The following FHL5 variants were observed in gnomAD, a reference collection of about 807,000 sequenced individuals.
The protein encoded by FHL5 is four and a half LIM domains protein 5.
FHL5 carries 33 observed loss-of-function variants against 32.0 expected under a neutral mutation model. That is an observed-to-expected ratio of 1.03 (90% CI 0.78 to 1.38). FHL5 has a LOEUF of 1.38. Among genes scored for constraint, FHL5 ranks in the 40% most tolerant of loss-of-function variants. FHL5 has a pLI of 0.00. For missense variants in FHL5, 336 were observed against 343.9 expected, an observed-to-expected ratio of 0.98 and a Z score of 0.18; for synonymous variants, 114 against 113.6, an observed-to-expected ratio of 1.00 and a Z score of -0.02.
rs1418293288 is a variant in FHL5 at position 96,617,930 on chromosome 6, C to T, written c.*2158C>T. 1.3e-5 allele frequency among the ~76,000 whole-genome samples: 2 copies of T among 152,106 alleles called. No individual in the cohort carries two copies. The highest frequency in any genetic ancestry group is 6.5e-5 in the Admixed American group (1 of 15,276). On this transcript the variant is annotated 3_prime_UTR_variant, in exon 6 of 6. Transcript: ENST00000450218. ...AGTTCTGCATTTAGAAGGTATCCTACACATCAAACATCCATTAAACATGTA... is the reference window on the plus strand; with the variant it reads ...AGTTCTGCATTTAGAAGGTATCCTATACATCAAACATCCATTAAACATGTA...
intron 1 of FHL5, among the ~76,000 whole-genome samples, chr6:96,596,613 CT>C (rs34556231): frequency 0.41 from 61,967 of 151,204 alleles, 13,361 homozygotes; most frequent in African/African-American, 0.56. Flanking sequence ...TGTATTTTAT[CT>C]TTTTTTTTCA....
chr6:96,611,908 G>A (rs1771417583), intron 5 of FHL5, among the ~76,000 whole-genome samples: 2 of 152,176 alleles, frequency 1.3e-5, no homozygotes, highest in South Asian at 2.1e-4. Context: ...GGCTGTTGAT[G>A]TTTGGCCTGA....
intron 1 of FHL5, among the ~76,000 whole-genome samples, chr6:96,584,435 A>ATGTGTGTG (rs141920939): frequency 3.3e-3 from 486 of 146,874 alleles, no homozygotes; most frequent in African/African-American, 0.012. Context: ...CAGGTGGGAT[A>ATGTGTGTG]TGTGTGTGTG....
At chr6:96,573,263 T>C (rs952337615) in intron 1 of FHL5, among the ~76,000 whole-genome samples, 3 of 152,206 alleles carry the variant, frequency 2.0e-5, no homozygotes, top group African/African-American at 7.2e-5. Flanking sequence ...CAAGGAACTG[T>C]CTATCATCAA....
rs1771270582 is a variant in FHL5 at position 96,606,052 on chromosome 6, A to G, written c.485A>G (p.Tyr162Cys). 1 of 1,613,656 alleles carries G rather than the reference A, an allele frequency of 6.2e-7. No individual in the cohort carries two copies. The highest frequency in any genetic ancestry group is 8.5e-7 in the Non-Finnish European group (1 of 1,179,838). ...TGTTTTGAGAAGGAGTTTGCTCACT[A>G]CTGCAACTTTTGTAAGAAGGTAATT... The part of the protein sequence containing the change: ...VPCFEKEFAH[Y>C]CNFCKKVITS... The change falls in exon 4 of 6, where the codon TAC becomes TGC. Residue 162 changes from tyrosine to cysteine, a missense_variant. Transcript: ENST00000450218.
intron 1 of FHL5, among the ~76,000 whole-genome samples, chr6:96,569,944 T>G (rs560567281): frequency 1.3e-5 from 2 of 152,084 alleles, no homozygotes; most frequent in South Asian, 4.2e-4. Flanking sequence ...TTTGTTGTTT[T>G]CCTGTTGTCT....
intron 5 of FHL5, among the ~76,000 whole-genome samples, chr6:96,612,463 A>G (rs1771430853): frequency 6.6e-6 from 1 of 152,240 alleles, no homozygotes; most frequent in Non-Finnish European, 1.5e-5. Context: ...CTGATCTGCA[A>G]AAAGCCTACA....
intron 1 of FHL5, among the ~76,000 whole-genome samples, chr6:96,570,125 A>C (rs1770444690): frequency 6.6e-6 from 1 of 152,080 alleles, no homozygotes. Flanking sequence ...TTCCAGATGT[A>C]AGTGAAAATC....
At chr6:96,587,148 G>C (rs960184781) in intron 1 of FHL5, among the ~76,000 whole-genome samples, 1 of 152,204 alleles carries the variant, frequency 6.6e-6, no homozygotes, top group Non-Finnish European at 1.5e-5. Context: ...TTATCAGAGT[G>C]TTTGGAGAAA....
At chr6:96,604,625 A>G in intron 2 of FHL5, 125 bp from the exon 3 acceptor site, 1 of 598,940 alleles carries the variant, frequency 1.7e-6, no homozygotes, top group East Asian at 3.2e-5. Context: ...TTCAGTAACA[A>G]CTTTCCCTCA....
chr6:96,606,666 A>G (rs79240845), intron 4 of FHL5, among the ~76,000 whole-genome samples: 77 of 152,280 alleles, frequency 5.1e-4, no homozygotes, highest in Middle Eastern at 3.4e-3. Flanking sequence ...CACTGCTTTT[A>G]TACAAGATCT....
intron 1 of FHL5, among the ~76,000 whole-genome samples, chr6:96,588,530 T>G (rs1270714996): frequency 6.6e-6 from 1 of 152,222 alleles, no homozygotes; most frequent in African/African-American, 2.4e-5. Flanking sequence ...TCACCAACAT[T>G]TGATATTGTC....
At chr6:96,601,846 C>T (rs1490052147) in intron 1 of FHL5, among the ~76,000 whole-genome samples, 3 of 152,192 alleles carry the variant, frequency 2.0e-5, no homozygotes, top group Non-Finnish European at 4.4e-5. Context: ...TATTTTCCTG[C>T]TGTTTCCAAG....
chr6:96,591,005 G>A (rs1770904056), intron 1 of FHL5, among the ~76,000 whole-genome samples: 1 of 152,012 alleles, frequency 6.6e-6, no homozygotes. Flanking sequence ...TTTGGGTTTT[G>A]TATTTATTGT....
Position 96,603,591 on chromosome 6 carries a change from G to T in FHL5, c.-12-11G>T, listed in dbSNP as rs114889050. ...TGCTTTTATATACATTAATCACTTTGTCATTCATAGGATCAAACCAAAATG... is the reference window on the plus strand; with the variant it reads ...TGCTTTTATATACATTAATCACTTTTTCATTCATAGGATCAAACCAAAATG... On this transcript the variant is annotated splice_polypyrimidine_tract_variant and intron_variant, in intron 1 of 5. Coordinates refer to ENST00000450218, the MANE Select transcript of FHL5 (RefSeq NM_001322466.2). The T allele has an allele frequency of 3.2e-5, 51 of 1,599,098 alleles. No homozygotes were observed. In the African/African-American group the frequency reaches 5.9e-4, roughly 19 times the overall value.
chr6:96,590,401 T>A (rs1247503768), intron 1 of FHL5, among the ~76,000 whole-genome samples: 1 of 151,866 alleles, frequency 6.6e-6, no homozygotes, highest in African/African-American at 2.4e-5. Context: ...TCATAAATGA[T>A]TTTTTTTCAT....
chr6:96,596,341 A>G (rs1375476297), intron 1 of FHL5, among the ~76,000 whole-genome samples: 1 of 152,018 alleles, frequency 6.6e-6, no homozygotes, highest in Non-Finnish European at 1.5e-5. Context: ...TGTGTTTTTG[A>G]ACATGCAATT....
At chr6:96,573,248 A>G (rs1770517740) in intron 1 of FHL5, among the ~76,000 whole-genome samples, 1 of 152,208 alleles carries the variant, frequency 6.6e-6, no homozygotes, top group Non-Finnish European at 1.5e-5. Flanking sequence ...AGAGGCTCCT[A>G]TTGACAAGGA....
At chr6:96,600,344 C>G (rs1771122979) in intron 1 of FHL5, among the ~76,000 whole-genome samples, 1 of 152,180 alleles carries the variant, frequency 6.6e-6, no homozygotes, top group Non-Finnish European at 1.5e-5. Context: ...TTAATGTACC[C>G]AGGTGAAAAT....
Sources: gnomAD v4.1 joint callset for allele counts (sites outside exome capture counted in the v4.1 genomes callset) on GRCh38, gnomAD v4.1.1 for gene constraint, MANE v1.5 for transcripts, NCBI Gene and HGNC (gene_info 2026-07-23, HGNC 2026-07-21) for gene names.